CLSTN2: variants seen among roughly 807,000 people sequenced by gnomAD.
The protein encoded by CLSTN2 is calsyntenin 2.
In CLSTN2, 48 loss-of-function variants were observed where a neutral mutation model predicts 101.2. The observed-to-expected ratio is 0.47, with a 90% confidence interval of 0.38 to 0.60. The LOEUF (loss-of-function observed/expected upper bound fraction) is 0.60. Ranked by LOEUF, CLSTN2 falls within the 20% of genes least tolerant of loss-of-function variation. The pLI is 0.00. For synonymous variants in CLSTN2, 481 were observed against 463.6 expected (o/e 1.04, Z -0.48); for missense variants, 1,160 against 1,238.2 (o/e 0.94, Z 0.95).
chr3:140,280,059 G>C (rs142539741), intron 2 of CLSTN2, among the ~76,000 whole-genome samples: 1 of 152,164 alleles, frequency 6.6e-6, no homozygotes, highest in Non-Finnish European at 1.5e-5. Context: ...GCCCTGGTGC[G>C]GGGCCTGGGC....
chr3:140,119,683 A>AT (rs1000156012), intron 1 of CLSTN2, among the ~76,000 whole-genome samples: 15 of 151,896 alleles, frequency 9.9e-5, no homozygotes, highest in African/African-American at 3.6e-4. Flanking sequence ...TAATTTTTGT[A>AT]TTTTTTGTGG....
rs575565763 is a variant in CLSTN2, at chr3:140,043,540, T to C, written c.109+108057T>C. On this transcript the variant is annotated intron_variant, in intron 1 of 16. Coordinates refer to ENST00000458420, the MANE Select transcript of CLSTN2 (RefSeq NM_022131.3). ...GCTCTTTAGTTTAATTAGATCCCAT[T>C]TGCCAATTTTGGCTTCTGTTGCCAT... Among the ~76,000 whole-genome samples, 3 of 152,354 alleles carry C rather than the reference T, an allele frequency of 2.0e-5. No homozygotes were observed. In the South Asian group the frequency reaches 6.2e-4, roughly 32 times the overall value.
chr3:140,198,544 C>T (rs2010677695), intron 2 of CLSTN2, among the ~76,000 whole-genome samples: 2 of 152,126 alleles, frequency 1.3e-5, no homozygotes, highest in East Asian at 1.9e-4. Context: ...GGCTTTGTTG[C>T]TGGCTGTCAG....
intron 2 of CLSTN2, among the ~76,000 whole-genome samples, chr3:140,330,714 A>G (rs541418610): frequency 4.4e-4 from 67 of 152,342 alleles, no homozygotes; most frequent in African/African-American, 1.6e-3. Flanking sequence ...GAGGCCTGAC[A>G]AAAAAGCCAA....
In CLSTN2 at chr3:140,478,745, A is replaced by C. The variant is rs371099182; in HGVS notation, c.1344+12014A>C. Among the ~76,000 whole-genome samples, 29 of 150,568 alleles carry C rather than the reference A, an allele frequency of 1.9e-4. No homozygotes were observed. In the East Asian group the frequency reaches 2.4e-3, roughly 13 times the overall value. ...CTTATGATGCATACATCATACTTCAATAAAGATTAAAAACAAGAACTGAAA... is the reference window on the plus strand; with the variant it reads ...CTTATGATGCATACATCATACTTCACTAAAGATTAAAAACAAGAACTGAAA... On this transcript the variant is annotated intron_variant, in intron 8 of 16. Coordinates refer to ENST00000458420, the MANE Select transcript of CLSTN2 (RefSeq NM_022131.3).
intron 10 of CLSTN2, 35 bp from the exon 11 acceptor site, chr3:140,556,478 C>T (rs1935794241): frequency 6.2e-7 from 1 of 1,611,368 alleles, no homozygotes; most frequent in Non-Finnish European, 8.5e-7. Context: ...CATCACTGAC[C>T]ATTCTCTTCC....
At chr3:139,962,668 G>A (rs151227538) in intron 1 of CLSTN2, among the ~76,000 whole-genome samples, 244 of 152,128 alleles carry the variant, frequency 1.6e-3, no homozygotes, top group Non-Finnish European at 2.8e-3. Flanking sequence ...TCTTCTTTTC[G>A]TTTGGCTTCT....
intron 4 of CLSTN2, among the ~76,000 whole-genome samples, chr3:140,416,073 A>G (rs1204831115): frequency 6.6e-6 from 1 of 152,214 alleles, no homozygotes; most frequent in Non-Finnish European, 1.5e-5. Context: ...GATGAACCCG[A>G]AGGACGTTAT....
At position 140,532,356 on chromosome 3, in the gene CLSTN2, C is replaced by T. The variant is rs1162221086; in HGVS notation, c.1377C>T (p.Ile459=). 6.2e-7 allele frequency: 1 copy of T among 1,610,874 alleles called. No homozygotes were observed. Among genetic ancestry groups the T allele is most frequent in the Non-Finnish European group, 8.5e-7 (1 of 1,178,124 alleles). ...ACAAAGAGTGGCACTACTATGTCATCAATGTGGAGTTTCCTGTGGTAACCT... is the reference window on the plus strand; with the variant it reads ...ACAAAGAGTGGCACTACTATGTCATTAATGTGGAGTTTCCTGTGGTAACCT... ...ICDKEWHYYV[I]NVEFPVVTLY... Residue 459 remains isoleucine, a synonymous_variant, in exon 9 of 17, where the codon ATC becomes ATT. Coordinates refer to ENST00000458420, the MANE Select transcript of CLSTN2 (RefSeq NM_022131.3).
At chr3:140,330,044 G>A (rs942752031) in intron 2 of CLSTN2, among the ~76,000 whole-genome samples, 7 of 152,166 alleles carry the variant, frequency 4.6e-5, no homozygotes, top group Non-Finnish European at 1.0e-4. Context: ...GATGCTGGCT[G>A]CTTCAGGGGA....
chr3:139,986,545 A>G (rs1379382677), intron 1 of CLSTN2, among the ~76,000 whole-genome samples: 1 of 152,124 alleles, frequency 6.6e-6, no homozygotes, highest in African/African-American at 2.4e-5. Context: ...GAGAACATTA[A>G]GCTTTCTATC....
At chr3:140,550,391 G>C (rs1201470528) in intron 10 of CLSTN2, among the ~76,000 whole-genome samples, 1 of 151,446 alleles carries the variant, frequency 6.6e-6, no homozygotes, top group Non-Finnish European at 1.5e-5. Context: ...TACACACACA[G>C]AGTTGCTCTC....
intron 5 of CLSTN2, among the ~76,000 whole-genome samples, chr3:140,436,945 C>T (rs978178898): frequency 6.6e-6 from 1 of 152,114 alleles, no homozygotes; most frequent in African/African-American, 2.4e-5. Context: ...GTGCCAGTGT[C>T]TGTCTCTGGC....
intron 1 of CLSTN2, among the ~76,000 whole-genome samples, chr3:140,071,857 A>G (rs1248284258): frequency 2.0e-5 from 3 of 151,888 alleles, no homozygotes; most frequent in Non-Finnish European, 4.4e-5. Flanking sequence ...ATAAATAAAT[A>G]AATAAAAAAG....
At chr3:139,991,753 A>G (rs1295986758) in intron 1 of CLSTN2, among the ~76,000 whole-genome samples, 1 of 152,244 alleles carries the variant, frequency 6.6e-6, no homozygotes, top group African/African-American at 2.4e-5. Context: ...AAACAGAGAA[A>G]GAATTTGTAG....
Position 140,180,797 on chromosome 3 carries a change from C to T in CLSTN2, c.232+4724C>T, listed in dbSNP as rs962425133. Among the ~76,000 whole-genome samples the T allele has an allele frequency of 1.6e-4, 24 of 152,244 alleles. 1 individual carries two copies. Among genetic ancestry groups the T allele is most frequent in the South Asian group, 1.0e-3 (5 of 4,816 alleles). Reference sequence around the variant, plus strand: ...GGGCTGCCCAGAAAATTGCCTGGGACGTGATTTGGCCTGGTTTTGATTAGC... The same window carrying T: ...GGGCTGCCCAGAAAATTGCCTGGGATGTGATTTGGCCTGGTTTTGATTAGC... On this transcript the variant is annotated intron_variant, in intron 2 of 16. Coordinates refer to ENST00000458420, the MANE Select transcript of CLSTN2 (RefSeq NM_022131.3).
intron 1 of CLSTN2, among the ~76,000 whole-genome samples, chr3:139,972,187 C>A (rs890756606): frequency 1.3e-5 from 2 of 152,026 alleles, no homozygotes; most frequent in African/African-American, 4.8e-5. Context: ...TCGCTTGAAC[C>A]TGGGAGGCGG....
chr3:140,562,012 C>A, intron 12 of CLSTN2, 126 bp from the exon 13 acceptor site: 1 of 727,586 alleles, frequency 1.4e-6, no homozygotes, highest in Non-Finnish European at 2.3e-6. Context: ...TATTTGGGAT[C>A]ACACAGACTC....
chr3:140,525,616 C>A (rs1356831562), intron 8 of CLSTN2, among the ~76,000 whole-genome samples: 1 of 151,952 alleles, frequency 6.6e-6, no homozygotes, highest in East Asian at 1.9e-4. Flanking sequence ...CTGGCAGAGA[C>A]ACAACATAAA....
Sources: gnomAD v4.1 joint callset for allele counts (sites outside exome capture counted in the v4.1 genomes callset) on GRCh38, gnomAD v4.1.1 for gene constraint, MANE v1.5 for transcripts, NCBI Gene and HGNC (gene_info 2026-07-23, HGNC 2026-07-21) for gene names.